CALN1: variants seen among roughly 807,000 people sequenced by gnomAD.
CALN1 encodes calcium-binding protein 8.
Under a neutral mutation model 30.6 loss-of-function variants are expected in CALN1, and 17 were observed. The ratio of observed to expected loss-of-function variants is 0.56; its 90% CI spans 0.38 to 0.83. The LOEUF (loss-of-function observed/expected upper bound fraction) is 0.83. CALN1 is among the 40% of genes least tolerant of loss of function. The probability of loss-of-function intolerance (pLI) is 0.00; values close to 1 mark genes in which losing one functional copy is unlikely to be tolerated. For synonymous variants in CALN1, 156 were observed against 131.4 expected, an observed-to-expected ratio of 1.19 and a Z score of -1.28; for missense variants, 291 against 354.9, an observed-to-expected ratio of 0.82 and a Z score of 1.45.
rs148617157 is a variant in CALN1 at position 71,977,032 on chromosome 7, A to G, written c.501+46625T>C. 4.2e-3 allele frequency among the ~76,000 whole-genome samples: 647 copies of G among 152,252 alleles called. 8 individuals are homozygous for G. The highest frequency in any genetic ancestry group is 0.015 in the African/African-American group (622 of 41,546). ...AAATACTGCCTTGAAGCCAACCACAAACAGACGAATTTGATCTTGACACTT... is the reference window on the plus strand; with the variant it reads ...AAATACTGCCTTGAAGCCAACCACAGACAGACGAATTTGATCTTGACACTT... On this transcript the variant is annotated intron_variant, in intron 5 of 6. Transcript: ENST00000395275.
At chr7:71,936,827 T>C (rs188335216) in intron 5 of CALN1, among the ~76,000 whole-genome samples, 4 of 152,226 alleles carry the variant, frequency 2.6e-5, no homozygotes, top group Admixed American at 2.6e-4. Context: ...ATTTGAACCA[T>C]GGAGGCAGTT....
chr7:71,893,992 C>G lies in CALN1; in HGVS notation c.502-83500G>C, dbSNP rs138044723. The stretch of plus-strand genomic sequence containing the variant: ...CATCACACAACTTGATAAAATCTCC[C>G]AGGATTTAAAAAGCTTGGCAAGACT... On this transcript the variant is annotated intron_variant, in intron 5 of 6. Transcript: ENST00000395275. Among the ~76,000 whole-genome samples, 8 of 152,114 alleles carry G rather than the reference C, an allele frequency of 5.3e-5. No homozygotes were observed. In the East Asian group the frequency reaches 1.5e-3, roughly 29 times the overall value.
At chr7:72,254,439 G>A (rs1009134765) in intron 3 of CALN1, among the ~76,000 whole-genome samples, 2 of 152,072 alleles carry the variant, frequency 1.3e-5, no homozygotes, top group Non-Finnish European at 2.9e-5. Context: ...CCCCTGCCTG[G>A]ATCCATCGTC....
At chr7:72,246,200 C>A (rs1795147781) in intron 3 of CALN1, among the ~76,000 whole-genome samples, 7 of 152,196 alleles carry the variant, frequency 4.6e-5, no homozygotes, top group Admixed American at 4.6e-4. Flanking sequence ...GATCATCAAA[C>A]CCTTACCTCA....
chr7:72,400,728 G>T (rs1806284210), intron 2 of CALN1, among the ~76,000 whole-genome samples: 1 of 152,176 alleles, frequency 6.6e-6, no homozygotes, highest in Non-Finnish European at 1.5e-5. Flanking sequence ...AATTAGCTGG[G>T]TTTGGTGGTG....
chr7:71,952,427 C>T (rs1447259284), intron 5 of CALN1, among the ~76,000 whole-genome samples: 1 of 152,168 alleles, frequency 6.6e-6, no homozygotes, highest in Non-Finnish European at 1.5e-5. Context: ...TGCATGTCAG[C>T]AGAGAAGGAG....
intron 3 of CALN1, among the ~76,000 whole-genome samples, chr7:72,201,591 A>C (rs375606294): frequency 1.4e-4 from 21 of 152,224 alleles, no homozygotes; most frequent in African/African-American, 4.1e-4. Flanking sequence ...ATTTCGGAAA[A>C]AAAAAGAAAG....
chr7:71,787,538 G>T lies in CALN1; in HGVS notation c.*237C>A. The T allele has an allele frequency of 2.2e-6, 1 of 448,782 alleles. No homozygotes were observed. The highest frequency in any genetic ancestry group is 4.0e-6 in the Non-Finnish European group (1 of 251,490). 27.8% of individuals were successfully genotyped at this position (448,782 alleles called of 1,614,324 possible). ...AATTTGGAAATCCTGGCGATTTATTGCATTAGAAAACAAAACCATTAAAGC... is the reference window on the plus strand; with the variant it reads ...AATTTGGAAATCCTGGCGATTTATTTCATTAGAAAACAAAACCATTAAAGC... On this transcript the variant is annotated 3_prime_UTR_variant, in exon 7 of 7. Transcript: ENST00000395275.
At chr7:72,248,686 T>C (rs951199308) in intron 3 of CALN1, among the ~76,000 whole-genome samples, 1 of 152,004 alleles carries the variant, frequency 6.6e-6, no homozygotes, top group African/African-American at 2.4e-5. Context: ...GCAATGTACT[T>C]TTTGCCATAT....
intron 4 of CALN1, among the ~76,000 whole-genome samples, chr7:72,027,365 C>T (rs1801131733): frequency 6.6e-6 from 1 of 152,126 alleles, no homozygotes; most frequent in African/African-American, 2.4e-5. Context: ...ACAGTGAGGT[C>T]TAACTGTTCA....
chr7:71,836,838 A>G (rs1439361559), intron 5 of CALN1, among the ~76,000 whole-genome samples: 14 of 151,470 alleles, frequency 9.2e-5, no homozygotes. Context: ...GGTCGGTCTC[A>G]AACTCCCAAC....
intron 5 of CALN1, among the ~76,000 whole-genome samples, chr7:71,963,366 T>C (rs1049597515): frequency 1.3e-5 from 2 of 152,160 alleles, no homozygotes; most frequent in Non-Finnish European, 2.9e-5. Flanking sequence ...TTTCACCATG[T>C]TGGCCAGGAT....
At chr7:72,022,847 C>T (rs1465105399) in intron 5 of CALN1, among the ~76,000 whole-genome samples, 1 of 149,480 alleles carries the variant, frequency 6.7e-6, no homozygotes, top group Non-Finnish European at 1.5e-5. Context: ...AAAGACACAC[C>T]AACTGCAACC....
chr7:71,806,569 A>G (rs1430383329), intron 6 of CALN1, among the ~76,000 whole-genome samples: 1 of 152,178 alleles, frequency 6.6e-6, no homozygotes, highest in Non-Finnish European at 1.5e-5. Context: ...GCCCTCCCAA[A>G]GGGATGGGAT....
intron 5 of CALN1, among the ~76,000 whole-genome samples, chr7:71,868,533 G>A (rs1319338760): frequency 4.6e-5 from 7 of 151,866 alleles, no homozygotes; most frequent in African/African-American, 1.7e-4. Context: ...CACCACGCCC[G>A]GCTAATTTTT....
intron 2 of CALN1, among the ~76,000 whole-genome samples, chr7:72,301,778 T>TA (rs1799277141): frequency 6.6e-6 from 1 of 152,068 alleles, no homozygotes; most frequent in South Asian, 2.1e-4. Flanking sequence ...GCCCCACTGC[T>TA]ATAAAAGAGT....
At chr7:72,254,477 G>A (rs1451541359) in intron 3 of CALN1, among the ~76,000 whole-genome samples, 1 of 152,012 alleles carries the variant, frequency 6.6e-6, no homozygotes, top group Non-Finnish European at 1.5e-5. Context: ...AGCCTCCCAA[G>A]TGACTTGTAG....
chr7:72,340,181 G>T lies in CALN1; in HGVS notation c.120-61371C>A, dbSNP rs114532460. Among the ~76,000 whole-genome samples the T allele has an allele frequency of 2.3e-3, 354 of 152,246 alleles. 2 individuals are homozygous for T. Among genetic ancestry groups the T allele is most frequent in the African/African-American group, 7.7e-3 (319 of 41,528 alleles). On this transcript the variant is annotated intron_variant, in intron 2 of 6. Transcript: ENST00000395275. ...GTGAACATTCTTTTCTGCAAACCCC[G>T]TATTTTTAGACAAAGCTTTACCTCC...
intron 5 of CALN1, among the ~76,000 whole-genome samples, chr7:71,868,550 T>G (rs1030652034): frequency 6.6e-6 from 1 of 151,934 alleles, no homozygotes; most frequent in African/African-American, 2.4e-5. Flanking sequence ...TTTTGTAGTT[T>G]TAGTAGAGAC....
Sources: allele counts gnomAD v4.1 joint callset (sites outside exome capture counted in the v4.1 genomes callset), GRCh38; gene constraint gnomAD v4.1.1; transcripts MANE v1.5; gene names NCBI Gene and HGNC (gene_info 2026-07-23, HGNC 2026-07-21).